Variants in TTLL7 observed in about 807,000 individuals in gnomAD.
The protein encoded by TTLL7 is tubulin tyrosine ligase like 7.
In TTLL7, 53 loss-of-function variants were observed where a neutral mutation model predicts 120.2. The ratio of observed to expected loss-of-function variants is 0.44; its 90% CI spans 0.35 to 0.55. The LOEUF is 0.55. Ranked by LOEUF, TTLL7 falls within the 20% of genes least tolerant of loss-of-function variation. The probability of loss-of-function intolerance (pLI) is 0.00; values close to 1 mark genes in which losing one functional copy is unlikely to be tolerated. For synonymous variants in TTLL7, 353 were observed against 351.7 expected (o/e 1.00, Z -0.04); for missense variants, 803 against 1,054.7 (o/e 0.76, Z 3.31).
intron 1 of TTLL7, among the ~76,000 whole-genome samples, chr1:83,964,925 T>C (rs1216393043): frequency 2.0e-5 from 3 of 152,112 alleles, no homozygotes; most frequent in Non-Finnish European, 4.4e-5. Flanking sequence ...TAATCCTACC[T>C]AGTATTCAAA....
At chr1:83,896,276 C>T (rs983169130) in intron 18 of TTLL7, among the ~76,000 whole-genome samples, 2 of 152,014 alleles carry the variant, frequency 1.3e-5, no homozygotes, top group Non-Finnish European at 2.9e-5. Flanking sequence ...CAACATTAAG[C>T]TCTCCAAGGG....
chr1:83,884,510 T>A (rs1654802666), intron 19 of TTLL7, among the ~76,000 whole-genome samples: 1 of 151,806 alleles, frequency 6.6e-6, no homozygotes, highest in Non-Finnish European at 1.5e-5. Context: ...CATCAATGAA[T>A]GACAGGTTTT....
At chr1:83,962,653 T>A (rs1650111375) in intron 1 of TTLL7, among the ~76,000 whole-genome samples, 1 of 152,132 alleles carries the variant, frequency 6.6e-6, no homozygotes, top group Non-Finnish European at 1.5e-5. Context: ...TTCCCAGACT[T>A]CCTTACAGGT....
At chr1:83,972,872 C>G (rs1242827948) in intron 1 of TTLL7, among the ~76,000 whole-genome samples, 1 of 151,972 alleles carries the variant, frequency 6.6e-6, no homozygotes, top group Non-Finnish European at 1.5e-5. Flanking sequence ...TATATATCTT[C>G]TTTAGTGAGA....
intron 2 of TTLL7, 34 bp downstream of exon 2, chr1:83,952,153 A>G: frequency 6.2e-7 from 1 of 1,603,018 alleles, no homozygotes; most frequent in Admixed American, 1.7e-5. Context: ...TAACACCTCC[A>G]TATTTTGTAA....
intron 1 of TTLL7, among the ~76,000 whole-genome samples, chr1:83,983,135 T>C (rs898076160): frequency 6.6e-6 from 1 of 151,970 alleles, no homozygotes; most frequent in Non-Finnish European, 1.5e-5. Context: ...AGTTCGAGAC[T>C]AGTCTGGGCA....
intron 19 of TTLL7, among the ~76,000 whole-genome samples, chr1:83,888,383 C>A (rs999346847): frequency 2.6e-5 from 4 of 151,966 alleles, no homozygotes; most frequent in Non-Finnish European, 4.4e-5. Flanking sequence ...GATTTCAACA[C>A]ACCCAGAGCG....
intron 1 of TTLL7, among the ~76,000 whole-genome samples, chr1:83,958,191 T>C (rs988509558): frequency 4.6e-5 from 7 of 152,144 alleles, no homozygotes; most frequent in African/African-American, 7.2e-5. Context: ...CCCTAAAAGA[T>C]AGATTATTAT....
intron 14 of TTLL7, chr1:83,912,650 G>T (rs903854463): frequency 2.0e-5 from 3 of 152,098 alleles, no homozygotes; most frequent in African/African-American, 7.2e-5. Context: ...TTCATGAAGT[G>T]CCTGGAATAC....
chr1:83,885,194 CTG>C (rs1654878871), intron 19 of TTLL7: 1 of 171,028 alleles, frequency 5.8e-6, no homozygotes, highest in South Asian at 1.9e-4. Context: ...AAAAAAAATC[CTG>C]TGTTTTGACT....
In TTLL7 at chr1:83,866,981, T is replaced by C. The variant is rs1422088070; in HGVS notation, c.*2981A>G. The stretch of plus-strand genomic sequence containing the variant: ...TTCTAGAAAGCATTCCAATCTTAGA[T>C]TTACTGAATGAGCAGGGATATGTTT... On this transcript the variant is annotated 3_prime_UTR_variant, in exon 21 of 21. Coordinates refer to ENST00000260505, the MANE Select transcript of TTLL7 (RefSeq NM_024686.6). 1.3e-5 allele frequency: 2 copies of C among 151,322 alleles called. No homozygotes were observed. The highest frequency in any genetic ancestry group is 3.0e-5 in the Non-Finnish European group (2 of 67,702). The allele number at this position is 151,322 out of a possible 1,614,324, so 9.4% of individuals were successfully genotyped here. A position where few individuals can be genotyped will look rare whatever the true frequency, so the allele number is the denominator to read the frequency against.
In TTLL7 at chr1:83,933,600, T is replaced by C. The variant is rs1659781835; in HGVS notation, c.1047+8A>G. The C allele has an allele frequency of 2.5e-6, 4 of 1,607,326 alleles. No individual in the cohort carries two copies. Among genetic ancestry groups the C allele is most frequent in the African/African-American group, 1.3e-5 (1 of 74,246 alleles). On this transcript the variant is annotated splice_region_variant and intron_variant, in intron 9 of 20. Transcript: ENST00000260505. The stretch of plus-strand genomic sequence containing the variant: ...ATAACTCTTCTTTTTTCTTAAAGAA[T>C]GCCTTACCTCCAGAAGCCATGGCTT...
intron 1 of TTLL7, among the ~76,000 whole-genome samples, chr1:83,973,561 C>T (rs1378536694): frequency 6.6e-6 from 1 of 151,944 alleles, no homozygotes; most frequent in Non-Finnish European, 1.5e-5. Flanking sequence ...GGGTCTCTTG[C>T]CTTTCCATAA....
At chr1:83,889,565 A>G (rs1423819568) in intron 19 of TTLL7, among the ~76,000 whole-genome samples, 1 of 152,048 alleles carries the variant, frequency 6.6e-6, no homozygotes, top group African/African-American at 2.4e-5. Context: ...ATAATATAAA[A>G]CCTGACTCAA....
intron 13 of TTLL7, among the ~76,000 whole-genome samples, chr1:83,918,438 G>A (rs1658370752): frequency 6.6e-6 from 1 of 152,132 alleles, no homozygotes; most frequent in African/African-American, 2.4e-5. Flanking sequence ...TTTAAGAAAG[G>A]ATTCTAGAAA....
chr1:83,873,645 C>A (rs1370628924), intron 20 of TTLL7, among the ~76,000 whole-genome samples: 1 of 152,126 alleles, frequency 6.6e-6, no homozygotes, highest in Non-Finnish European at 1.5e-5. Context: ...GGCAGTTGTG[C>A]ACATCTTTAC....
chr1:83,901,357 C>T (rs1338964896), intron 18 of TTLL7, among the ~76,000 whole-genome samples: 4 of 151,892 alleles, frequency 2.6e-5, no homozygotes, highest in African/African-American at 4.8e-5. Flanking sequence ...AGAATTAAGG[C>T]TCCAACTTAG....
At chr1:83,878,018 TTTG>T (rs534025189) in intron 20 of TTLL7, among the ~76,000 whole-genome samples, 16 of 151,900 alleles carry the variant, frequency 1.1e-4, no homozygotes, top group Non-Finnish European at 2.4e-4. Context: ...TTCTAATATT[TTTG>T]TTATCACTTA....
At chr1:83,921,968 T>C (rs1287938186) in intron 10 of TTLL7, among the ~76,000 whole-genome samples, 1 of 152,150 alleles carries the variant, frequency 6.6e-6, no homozygotes, top group Non-Finnish European at 1.5e-5. Context: ...TATGAAAATT[T>C]ACTTATAACT....
Sources: gnomAD v4.1 joint callset for allele counts (sites outside exome capture counted in the v4.1 genomes callset) on GRCh38, gnomAD v4.1.1 for gene constraint, MANE v1.5 for transcripts, NCBI Gene and HGNC (gene_info 2026-07-23, HGNC 2026-07-21) for gene names.